The following TBC1D5 variants were observed in gnomAD, a reference collection of about 807,000 sequenced individuals.
TBC1D5 encodes the protein TBC1 domain family, member 5.
Under a neutral mutation model 100.3 loss-of-function variants are expected in TBC1D5, and 75 were observed. The observed-to-expected ratio is 0.75, with a 90% CI of 0.62 to 0.91. The LOEUF is 0.91. Among genes scored for constraint, TBC1D5 ranks in the 40% least tolerant of loss-of-function variants. The probability of loss-of-function intolerance (pLI) is 0.00; values close to 1 mark genes in which losing one functional copy is unlikely to be tolerated. For missense variants in TBC1D5, 910 were observed against 942.4 expected, an observed-to-expected ratio of 0.97 and a Z score of 0.45; for synonymous variants, 323 against 325.6, an observed-to-expected ratio of 0.99 and a Z score of 0.09.
At chr3:17,563,587 T>C (rs2096573286) in intron 2 of TBC1D5, among the ~76,000 whole-genome samples, 1 of 152,158 alleles carries the variant, frequency 6.6e-6, no homozygotes, top group Non-Finnish European at 1.5e-5. Context: ...AGATTCACAA[T>C]GTGAAGAGTA....
intron 2 of TBC1D5, among the ~76,000 whole-genome samples, chr3:17,560,128 G>A (rs149343003): frequency 3.3e-5 from 5 of 152,202 alleles, no homozygotes; most frequent in Admixed American, 2.0e-4. Flanking sequence ...AAGTTTAAAT[G>A]CAATCAAACT....
chr3:17,618,752 T>C (rs1281272622), intron 2 of TBC1D5, among the ~76,000 whole-genome samples: 3 of 152,210 alleles, frequency 2.0e-5, no homozygotes, highest in Admixed American at 6.5e-5. Context: ...ACTAAGGCCA[T>C]GGGAAAATCA....
intron 14 of TBC1D5, among the ~76,000 whole-genome samples, chr3:17,298,107 A>G (rs1206222075): frequency 6.6e-6 from 1 of 152,234 alleles, no homozygotes; most frequent in Admixed American, 6.5e-5. Context: ...GGAAAACCAT[A>G]GGTTGGGAAT....
chr3:17,570,222 C>CAAGAT (rs908912562), intron 2 of TBC1D5, among the ~76,000 whole-genome samples: 14 of 152,040 alleles, frequency 9.2e-5, no homozygotes, highest in Admixed American at 3.9e-4. Flanking sequence ...AAGCAAGAAC[C>CAAGAT]AAGATACAAT....
chr3:17,641,956 G>C (rs2064554012), intron 1 of TBC1D5, among the ~76,000 whole-genome samples: 1 of 152,016 alleles, frequency 6.6e-6, no homozygotes, highest in African/African-American at 2.4e-5. Context: ...CCCCCAATCT[G>C]TTGCTTACAA....
chr3:17,472,114 A>T (rs1328640919), intron 3 of TBC1D5, among the ~76,000 whole-genome samples: 3 of 151,688 alleles, frequency 2.0e-5, no homozygotes, highest in African/African-American at 7.3e-5. Context: ...ATTTGAAAAC[A>T]TTAAGGTTTT....
intron 1 of TBC1D5, among the ~76,000 whole-genome samples, chr3:17,698,403 T>G (rs1214543101): frequency 1.3e-5 from 2 of 151,848 alleles, no homozygotes; most frequent in African/African-American, 4.8e-5. Context: ...CAAGATGGAT[T>G]AAAGACTTAA....
At chr3:17,660,671 T>C (rs1450636726) in intron 1 of TBC1D5, among the ~76,000 whole-genome samples, 1 of 152,128 alleles carries the variant, frequency 6.6e-6, no homozygotes, top group Non-Finnish European at 1.5e-5. Context: ...TGAAGATAAA[T>C]TTAAAAAGAC....
intron 1 of TBC1D5, among the ~76,000 whole-genome samples, chr3:17,697,348 A>G (rs920568200): frequency 1.2e-4 from 19 of 152,232 alleles, no homozygotes; most frequent in Non-Finnish European, 1.9e-4. Context: ...TTGTATATTT[A>G]GAAAACCCCA....
At chr3:17,563,973 G>T (rs1313655789) in intron 2 of TBC1D5, among the ~76,000 whole-genome samples, 3 of 152,062 alleles carry the variant, frequency 2.0e-5, no homozygotes, top group Non-Finnish European at 4.4e-5. Flanking sequence ...TAGTAGAGAC[G>T]GGGTTTCACC....
At chr3:17,318,405 AC>A (rs1198789818) in intron 13 of TBC1D5, among the ~76,000 whole-genome samples, 1 of 152,144 alleles carries the variant, frequency 6.6e-6, no homozygotes, top group Non-Finnish European at 1.5e-5. Flanking sequence ...AAAAAGTACT[AC>A]CACATTTGAT....
At chr3:17,589,020 T>C (rs2096750118) in intron 2 of TBC1D5, among the ~76,000 whole-genome samples, 1 of 152,188 alleles carries the variant, frequency 6.6e-6, no homozygotes. Flanking sequence ...TAAACATAAA[T>C]TTGTATATAA....
chr3:17,372,063 T>A lies in TBC1D5; in HGVS notation c.995+12A>T. On this transcript the variant is annotated intron_variant, in intron 13 of 21. Coordinates refer to ENST00000253692, the Ensembl canonical transcript of TBC1D5. ...AAAAACAAACAAACAAACAAAGAAC[T>A]TTAATACTTACAACCCATATATCTG... 1.1e-6 allele frequency: 1 copy of A among 946,494 alleles called. No individual in the cohort carries two copies. The highest frequency in any genetic ancestry group is 2.3e-5 in the East Asian group (1 of 43,538). 58.6% of individuals were successfully genotyped at this position (946,494 alleles called of 1,614,324 possible).
rs149648972 is a variant in TBC1D5, at chr3:17,549,983, G to A, written c.-35-41378C>T. Among the ~76,000 whole-genome samples the A allele has an allele frequency of 9.1e-4, 137 of 150,748 alleles. 1 individual carries two copies. Among genetic ancestry groups the A allele is most frequent in the African/African-American group, 3.1e-3 (126 of 41,182 alleles). ...AATAAGAATAATAATAATAATGAAT[G>A]GCTTCCTACTATCCTTTTGCAAAGT... is the stretch of plus-strand genomic sequence containing the variant. On this transcript the variant is annotated intron_variant, in intron 2 of 21. Transcript: ENST00000253692.
intron 18 of TBC1D5, among the ~76,000 whole-genome samples, chr3:17,205,667 C>G (rs916872166): frequency 6.6e-6 from 1 of 152,134 alleles, no homozygotes; most frequent in Admixed American, 6.5e-5. Flanking sequence ...CTTCTCCTTA[C>G]CAGAGATTGG....
intron 3 of TBC1D5, among the ~76,000 whole-genome samples, chr3:17,437,007 G>C (rs758809079): frequency 6.6e-6 from 1 of 152,224 alleles, no homozygotes; most frequent in African/African-American, 2.4e-5. Flanking sequence ...AGTGTTGGGA[G>C]ATGGGGCCTA....
At chr3:17,614,050 A>G (rs2061911363) in intron 2 of TBC1D5, among the ~76,000 whole-genome samples, 1 of 152,188 alleles carries the variant, frequency 6.6e-6, no homozygotes, top group Admixed American at 6.5e-5. Context: ...TCAATCTTCA[A>G]TTAACTTTTG....
intron 3 of TBC1D5, among the ~76,000 whole-genome samples, chr3:17,498,758 T>C (rs1438672112): frequency 6.6e-6 from 1 of 152,018 alleles, no homozygotes; most frequent in Non-Finnish European, 1.5e-5. Flanking sequence ...ACACACACAA[T>C]GGGCCTAACT....
chr3:17,285,995 G>A lies in TBC1D5; in HGVS notation c.1245+5900C>T, dbSNP rs1452094709. On this transcript the variant is annotated intron_variant, in intron 15 of 21. Coordinates refer to ENST00000253692, the Ensembl canonical transcript of TBC1D5. ...TAAACAATAACAGTCAATGCTAAAA[G>A]GACTGCTTGCCAAGTTACTAGAAAT... Among the ~76,000 whole-genome samples, 4 of 152,212 alleles carry A rather than the reference G, an allele frequency of 2.6e-5. No individual in the cohort carries two copies. In the South Asian group the frequency reaches 6.2e-4, roughly 24 times the overall value.
Sources: allele counts gnomAD v4.1 joint callset (sites outside exome capture counted in the v4.1 genomes callset), GRCh38; gene constraint gnomAD v4.1.1; transcripts MANE v1.5; gene names NCBI Gene and HGNC (gene_info 2026-07-23, HGNC 2026-07-21).